Variants in SCGB2B2 observed in about 807,000 individuals in gnomAD.
The protein encoded by SCGB2B2 is secretoglobin family 2B member 2, also known as secretoglobin-like protein.
A neutral mutation model predicts 7.6 loss-of-function variants in SCGB2B2; 11 were observed. The observed-to-expected ratio is 1.45, with a 90% CI of 0.91 to 2.40. The LOEUF (loss-of-function observed/expected upper bound fraction) is 2.40, where lower values mean the gene tolerates loss of function less well. Among genes scored for constraint, SCGB2B2 ranks in the 30% most tolerant of loss-of-function variants. The pLI, the probability that SCGB2B2 is intolerant of heterozygous loss-of-function variation, is 0.00. For missense variants in SCGB2B2, 104 were observed against 115.4 expected, an observed-to-expected ratio of 0.90 and a Z score of 0.45; for synonymous variants, 50 against 48.6, an observed-to-expected ratio of 1.03 and a Z score of -0.12.
intron 1 of SCGB2B2, among the ~76,000 whole-genome samples, chr19:34,606,117 CAACTTTTTAAAAAATTT>C (rs2065770995): frequency 6.7e-6 from 1 of 148,912 alleles, no homozygotes; most frequent in Non-Finnish European, 1.5e-5. Context: ...AAAATTTTAC[CAACTTTTTAAAAAATTT>C]TACATAGTTA....
intron 1 of SCGB2B2, among the ~76,000 whole-genome samples, chr19:34,611,618 A>G (rs2065929293): frequency 6.7e-6 from 1 of 149,466 alleles, no homozygotes. Context: ...TTGCATTTCT[A>G]TTTTAATTTG....
At chr19:34,600,380 G>A (rs886520792) in intron 1 of SCGB2B2, among the ~76,000 whole-genome samples, 10 of 152,232 alleles carry the variant, frequency 6.6e-5, no homozygotes, top group African/African-American at 2.4e-4. Flanking sequence ...TCTTGTACAC[G>A]TTTATATTCA....
chr19:34,609,774 C>A (rs394024), intron 1 of SCGB2B2, among the ~76,000 whole-genome samples: 74,538 of 151,838 alleles, frequency 0.49, 18,988 homozygotes, highest in African/African-American at 0.61. Flanking sequence ...CAACTTTTTT[C>A]ATTTTTCTCA....
chr19:34,669,785 G>A (rs1448057552), intron 1 of SCGB2B2, among the ~76,000 whole-genome samples: 1 of 148,024 alleles, frequency 6.8e-6, no homozygotes, highest in Non-Finnish European at 1.5e-5. Context: ...CAGTGACTGA[G>A]TGACCACACA....
At chr19:34,608,676 T>TATATATATATATCTATATATAG (rs2065847683) in intron 1 of SCGB2B2, 1 of 102,600 alleles carries the variant, frequency 9.7e-6, no homozygotes, top group Non-Finnish European at 2.2e-5. Context: ...TATATATATA[T>TATATATATATATCTATATATAG]ATATATATAC....
chr19:34,617,359 A>C (rs1270278), intron 1 of SCGB2B2, among the ~76,000 whole-genome samples: 37 of 149,526 alleles, frequency 2.5e-4, no homozygotes, highest in African/African-American at 8.7e-4. Context: ...CTTTTATTTC[A>C]TTGAGCAGTG....
At chr19:34,652,618 C>T (rs1355693845) in intron 1 of SCGB2B2, among the ~76,000 whole-genome samples, 1 of 151,190 alleles carries the variant, frequency 6.6e-6, no homozygotes, top group Middle Eastern at 3.2e-3. Context: ...CTCAACATCA[C>T]TCATCATCAG....
intron 1 of SCGB2B2, among the ~76,000 whole-genome samples, chr19:34,660,184 G>C (rs1479595567): frequency 6.6e-6 from 1 of 152,174 alleles, no homozygotes; most frequent in Non-Finnish European, 1.5e-5. Flanking sequence ...AAAAACCCTA[G>C]AAGAAAACCT....
At chr19:34,606,091 T>C (rs1418843039) in intron 1 of SCGB2B2, among the ~76,000 whole-genome samples, 1 of 151,724 alleles carries the variant, frequency 6.6e-6, no homozygotes, top group Non-Finnish European at 1.5e-5. Context: ...TTTAAAAAAA[T>C]TTTATGTAGT....
chr19:34,596,368 G>T lies in SCGB2B2; in HGVS notation c.-1805C>A, dbSNP rs1408740132. 1 of 152,510 alleles carries T rather than the reference G, an allele frequency of 6.6e-6. No individual in the cohort carries two copies. Among genetic ancestry groups the T allele is most frequent in the Non-Finnish European group, 1.5e-5 (1 of 68,124 alleles). 9.4% of individuals were successfully genotyped at this position (152,510 alleles called of 1,614,324 possible). On this transcript the variant is annotated 5_prime_UTR_variant, in exon 2 of 4. Transcript: ENST00000601241. ...ACCTGCGCAGTGCAGGCGTCCATGC[G>T]TGCTGAGACTCTCAGCCGGCTCTGT...
intron 1 of SCGB2B2, among the ~76,000 whole-genome samples, chr19:34,647,668 C>G (rs1385442813): frequency 6.6e-6 from 1 of 152,216 alleles, no homozygotes; most frequent in Non-Finnish European, 1.5e-5. Flanking sequence ...ACAGGTCAGG[C>G]CTTTTCCCAG....
intron 1 of SCGB2B2, among the ~76,000 whole-genome samples, chr19:34,599,778 T>C (rs1302825956): frequency 6.6e-6 from 1 of 152,108 alleles, no homozygotes; most frequent in Non-Finnish European, 1.5e-5. Context: ...TCCTCAGTCT[T>C]CCTGCCTCTC....
intron 1 of SCGB2B2, among the ~76,000 whole-genome samples, chr19:34,643,812 T>A (rs1011574654): frequency 2.6e-5 from 4 of 151,956 alleles, no homozygotes; most frequent in Non-Finnish European, 4.4e-5. Flanking sequence ...CAAAAAAATA[T>A]TAATTTAAGG....
chr19:34,617,386 A>G (rs113654939), intron 1 of SCGB2B2, among the ~76,000 whole-genome samples: 12 of 151,544 alleles, frequency 7.9e-5, no homozygotes, highest in East Asian at 1.9e-4. Context: ...AGTTCTCCTT[A>G]AAGAGGTCCT....
At chr19:34,590,481 C>G (rs1474010108), downstream of SCGB2B2, among the ~76,000 whole-genome samples, 1 of 152,144 alleles carries the variant, frequency 6.6e-6, no homozygotes, top group Non-Finnish European at 1.5e-5. Flanking sequence ...TCCAGCTATC[C>G]ATCTATCCTT....
chr19:34,669,714 T>TCCACACACACACACACACACACACAC (rs148465694), intron 1 of SCGB2B2, among the ~76,000 whole-genome samples: 1 of 139,498 alleles, frequency 7.2e-6, no homozygotes, highest in Non-Finnish European at 1.5e-5. Context: ...TGCCCCCACT[T>TCCACACACACACACACACACACACAC]ACACACACAC....
rs191229096 is a variant in SCGB2B2, at chr19:34,658,472, C to A, written c.-2032+17158G>T. Reference sequence around the variant, plus strand: ...CTACCATCAGAGAACACTATAAACACCTCTACACAAATAAACTAGTAAATC... The same window carrying A: ...CTACCATCAGAGAACACTATAAACAACTCTACACAAATAAACTAGTAAATC... On this transcript the variant is annotated intron_variant, in intron 1 of 3. Transcript: ENST00000601241. Among the ~76,000 whole-genome samples, 82 of 152,242 alleles carry A rather than the reference C, an allele frequency of 5.4e-4. 1 individual carries two copies. The highest frequency in any genetic ancestry group is 9.2e-4 in the Admixed American group (14 of 15,296).
intron 1 of SCGB2B2, among the ~76,000 whole-genome samples, chr19:34,661,520 G>A (rs1600069389): frequency 6.6e-6 from 1 of 152,222 alleles, no homozygotes; most frequent in East Asian, 1.9e-4. Flanking sequence ...AAAGTAGAAG[G>A]ACTCCCTCTG....
At chr19:34,665,900 T>G (rs541310832) in intron 1 of SCGB2B2, among the ~76,000 whole-genome samples, 1 of 152,156 alleles carries the variant, frequency 6.6e-6, no homozygotes, top group South Asian at 2.1e-4. Context: ...CACCTGTAGC[T>G]GTGCAAGTGG....
Sources: gnomAD v4.1 joint callset for allele counts (sites outside exome capture counted in the v4.1 genomes callset) on GRCh38, gnomAD v4.1.1 for gene constraint, MANE v1.5 for transcripts, NCBI Gene and HGNC (gene_info 2026-07-23, HGNC 2026-07-21) for gene names.